Variants in MYO7B observed in about 807,000 individuals in gnomAD.
The protein encoded by MYO7B is unconventional myosin-VIIb.
Under a neutral mutation model 259.7 loss-of-function variants are expected in MYO7B, and 212 were observed. The observed-to-expected ratio is 0.82, with a 90% CI of 0.73 to 0.91. MYO7B has a LOEUF of 0.91. MYO7B is among the 40% of genes least tolerant of loss of function. The probability of loss-of-function intolerance (pLI) is 0.00; values close to 1 mark genes in which losing one functional copy is unlikely to be tolerated. For missense variants in MYO7B, 2,732 were observed against 2,813.5 expected, an observed-to-expected ratio of 0.97 and a Z score of 0.66; for synonymous variants, 1,197 against 1,166.4, an observed-to-expected ratio of 1.03 and a Z score of -0.54.
chr2:127,626,799 A>G (rs191241713), intron 31 of MYO7B, 176 bp from the exon 32 acceptor site: 12 of 593,940 alleles, frequency 2.0e-5, no homozygotes, highest in Admixed American at 1.3e-4. Context: ...AAAAAAGGAT[A>G]GGGCTGCACC....
rs1678896002 is a variant in MYO7B at position 127,576,948 on chromosome 2, C to G, written c.849+240C>G. On this transcript the variant is annotated intron_variant, in intron 8 of 47. Coordinates refer to ENST00000409816, the MANE Select transcript of MYO7B (RefSeq NM_001393586.1). This position sits in a 1 kb window ranked among gnomAD's most constrained non-coding sequence, Gnocchi z 4.9. Reference sequence around the variant, plus strand: ...CCAGGCTGGACCCGGGGCCTCCCCGCAGACCTCATCTTCCTTTGGTCCCCA... The same window carrying G: ...CCAGGCTGGACCCGGGGCCTCCCCGGAGACCTCATCTTCCTTTGGTCCCCA... Among the ~76,000 whole-genome samples, 2 of 152,130 alleles carry G rather than the reference C, an allele frequency of 1.3e-5. No homozygotes were observed. The highest frequency in any genetic ancestry group is 4.1e-4 in the South Asian group (2 of 4,828).
rs1179589339 is a variant in MYO7B, at chr2:127,612,267, C to G, written c.3210C>G (p.Asp1070Glu). Residue 1070 changes from aspartate (D) to glutamate (E), a missense_variant, in exon 25 of 48, where the codon GAC (aspartate) becomes GAG (glutamate). This residue lies in a region of MYO7B where 1,906 missense variants were observed against 2,026.4 expected (regional missense o/e 0.94). Transcript: ENST00000409816. The part of the protein sequence containing the change: ...SRSAQRSGCK[D>E]KGTKDISSMK... ...CTCCACAGAGATCTGGCTGCAAGGA[C>G]AAGGGGACCAAGGATATCTCCTCCA... The G allele has an allele frequency of 1.4e-6, 1 of 695,806 alleles. No homozygotes were observed. The highest frequency in any genetic ancestry group is 2.5e-6 in the Non-Finnish European group (1 of 393,672). 43.1% of individuals were successfully genotyped at this position (695,806 alleles called of 1,614,324 possible).
At chr2:127,563,003 A>T (rs573792370) in intron 2 of MYO7B, among the ~76,000 whole-genome samples, 6 of 152,052 alleles carry the variant, frequency 3.9e-5, no homozygotes, top group Non-Finnish European at 8.8e-5. Flanking sequence ...TAATCAGGGT[A>T]TGTTCTCCTG....
At position 127,576,677 on chromosome 2, in the gene MYO7B, G is replaced by C. The variant is rs1274521983; in HGVS notation, c.818G>C (p.Gly273Ala). 6.2e-7 allele frequency: 1 copy of C among 1,611,024 alleles called. No homozygotes were observed. Residue 273 changes from glycine (G) to alanine (A), a missense_variant, in exon 8 of 48, where the codon GGC (glycine) becomes GCC (alanine). By Grantham distance (60) the Gly-to-Ala change is moderately conservative. Transcript: ENST00000409816. The surrounding 1 kb of genome is among the most constrained non-coding windows in gnomAD (Gnocchi z 4.9). Reference sequence around the variant, plus strand: ...GAGGACAAGCAGCTGCTGAGCCTGGGCACGCCCTCCGAGTACCACTACCTG... The same window carrying C: ...GAGGACAAGCAGCTGCTGAGCCTGGCCACGCCCTCCGAGTACCACTACCTG... Reference protein sequence around the residue: ...SAEDKQLLSLGTPSEYHYLTM... With the variant: ...SAEDKQLLSLATPSEYHYLTM...
Position 127,628,899 on chromosome 2 carries a change from G to A in MYO7B, c.4624+364G>A, listed in dbSNP as rs1681305115. Among the ~76,000 whole-genome samples the A allele has an allele frequency of 6.6e-6, 1 of 152,220 alleles. No homozygotes were observed. The highest frequency in any genetic ancestry group is 2.1e-4 in the South Asian group (1 of 4,834). ...CACCCCATTATCCCATTTTACAGAC[G>A]TGAGGCCAGAGGCCCAGAGATGGAA... On this transcript the variant is annotated intron_variant, in intron 34 of 47. Coordinates refer to ENST00000409816, the MANE Select transcript of MYO7B (RefSeq NM_001393586.1). This position sits in a 1 kb window ranked among gnomAD's most constrained non-coding sequence, Gnocchi z 4.8.
chr2:127,584,028 T>G lies in MYO7B; in HGVS notation c.1344-94T>G, dbSNP rs10928772. ...TGTGGGCATATCTGTATGCAGCTGTTTGCAGATGGCTGGTGATCCTATGGC... is the reference window on the plus strand; with the variant it reads ...TGTGGGCATATCTGTATGCAGCTGTGTGCAGATGGCTGGTGATCCTATGGC... On this transcript the variant is annotated intron_variant, in intron 12 of 47. Coordinates refer to ENST00000409816, the MANE Select transcript of MYO7B (RefSeq NM_001393586.1). The surrounding 1 kb of genome is among the most constrained non-coding windows in gnomAD (Gnocchi z 5.8). 0.4 allele frequency: 460,149 copies of G among 1,147,698 alleles called. 100,140 individuals are homozygous for G. Among genetic ancestry groups the G allele is most frequent in the East Asian group, 0.69 (26,910 of 39,036 alleles). 71.1% of individuals were successfully genotyped at this position (1,147,698 alleles called of 1,614,324 possible).
chr2:127,554,351 G>A (rs772120295), intron 1 of MYO7B, among the ~76,000 whole-genome samples: 37 of 152,238 alleles, frequency 2.4e-4, no homozygotes, highest in Non-Finnish European at 4.0e-4. Flanking sequence ...TGGGATTACA[G>A]GCATGAGCCA....
intron 19 of MYO7B, among the ~76,000 whole-genome samples, chr2:127,600,060 G>A (rs1427998047): frequency 6.6e-6 from 1 of 152,180 alleles, no homozygotes; most frequent in Non-Finnish European, 1.5e-5. Flanking sequence ...GGAAGAAATT[G>A]TGTAGAATTG....
chr2:127,605,100 C>T (rs1457893002), intron 19 of MYO7B, among the ~76,000 whole-genome samples: 2 of 152,204 alleles, frequency 1.3e-5, no homozygotes, highest in African/African-American at 4.8e-5. Context: ...TGAGGCATGC[C>T]TGCATCTCTA....
Position 127,581,908 on chromosome 2 carries a change from CCG to C in MYO7B, c.1099_1100del (p.Arg367GlyfsTer26). On this transcript the variant is annotated frameshift_variant, in exon 11 of 48. Transcript: ENST00000409816. LOFTEE classifies it high-confidence loss of function. ...KLLEVQHQEL[R>X]DCLIKHTILI... is the part of the protein sequence containing the mutation. Reference sequence around the variant, plus strand: ...CTCCCCAGGTGCAGCACCAGGAGCTCCGGGACTGTCTGATCAAGCACACCATC... The same window carrying C: ...CTCCCCAGGTGCAGCACCAGGAGCTCGGACTGTCTGATCAAGCACACCATC... 6.2e-7 allele frequency: 1 copy of C among 1,613,858 alleles called. No homozygotes were observed. The highest frequency in any genetic ancestry group is 8.5e-7 in the Non-Finnish European group (1 of 1,179,884).
Position 127,631,285 on chromosome 2 carries a change from G to C in MYO7B, c.5017G>C (p.Glu1673Gln). 6.2e-7 allele frequency: 1 copy of C among 1,612,154 alleles called. No individual in the cohort carries two copies. Among genetic ancestry groups the C allele is most frequent in the Non-Finnish European group, 8.5e-7 (1 of 1,179,430 alleles). The change falls in exon 37 of 48, where the codon GAG becomes CAG. Residue 1673 changes from glutamate (E) to glutamine (Q), a missense_variant. Physicochemically the swap from Glu to Gln is conservative, Grantham distance 29. This residue lies in a region of MYO7B where 821 missense variants were observed against 769.3 expected (regional missense o/e 1.07). Coordinates refer to ENST00000409816, the MANE Select transcript of MYO7B (RefSeq NM_001393586.1). The part of the protein sequence containing the change: ...ARGHLWAYSC[E>Q]PLRQPLLKRV... ...TGGCCACCTGTGGGCCTATTCCTGC[G>C]AGCCGCTGCGACAGCCGCTGCTCAA...
Position 127,576,786 on chromosome 2 carries a change from C to A in MYO7B, c.849+78C>A. 1 of 1,083,150 alleles carries A rather than the reference C, an allele frequency of 9.2e-7. No homozygotes were observed. Among genetic ancestry groups the A allele is most frequent in the Non-Finnish European group, 1.3e-6 (1 of 745,904 alleles). 67.1% of individuals were successfully genotyped at this position (1,083,150 alleles called of 1,614,324 possible). On this transcript the variant is annotated intron_variant, in intron 8 of 47. Coordinates refer to ENST00000409816, the MANE Select transcript of MYO7B (RefSeq NM_001393586.1). The surrounding 1 kb of genome is among the most constrained non-coding windows in gnomAD (Gnocchi z 4.9). ...GCTTGTGCCGCTCCACCCTCCGCGA[C>A]AGCTGCAGAGAAGCCCAACGCTGGC...
intron 39 of MYO7B, 88 bp downstream of exon 39, chr2:127,632,489 A>G: frequency 6.9e-6 from 10 of 1,446,496 alleles, no homozygotes; most frequent in Non-Finnish European, 8.3e-6. Flanking sequence ...CCAGGAGCTC[A>G]TGGTCCTGGG....
chr2:127,617,738 A>G (rs1680632892), intron 26 of MYO7B, among the ~76,000 whole-genome samples: 2 of 148,728 alleles, frequency 1.3e-5, no homozygotes, highest in South Asian at 2.1e-4. Context: ...TCCTGACCTC[A>G]TGATCCACCC....
intron 39 of MYO7B, among the ~76,000 whole-genome samples, chr2:127,632,629 C>T (rs544190987): frequency 3.0e-4 from 45 of 152,318 alleles, no homozygotes; most frequent in African/African-American, 1.0e-3. Flanking sequence ...TCCCCTGCCC[C>T]ACCACTGCCC....
At position 127,539,804 on chromosome 2, in the gene MYO7B, A is replaced by G. The variant is rs1395736840; in HGVS notation, c.-24+3973A>G. 1.3e-5 allele frequency among the ~76,000 whole-genome samples: 2 copies of G among 152,168 alleles called. No homozygotes were observed. Among genetic ancestry groups the G allele is most frequent in the African/African-American group, 2.4e-5 (1 of 41,442 alleles). On this transcript the variant is annotated intron_variant, in intron 1 of 47. Transcript: ENST00000409816. This position sits in a 1 kb window ranked among gnomAD's most constrained non-coding sequence, Gnocchi z 4.0. ...ACCACAGCAGTGTACACTGCACCCA[A>G]TGTGTAGTCTTTTGTTGCTCACCCA... is the stretch of plus-strand genomic sequence containing the variant.
Position 127,564,277 on chromosome 2 carries a change from TG to T in MYO7B, c.132+15del, listed in dbSNP as rs748067769. The T allele has an allele frequency of 6.4e-7, 1 of 1,551,440 alleles. No individual in the cohort carries two copies. The highest frequency in any genetic ancestry group is 1.2e-5 in the South Asian group (1 of 84,122). ...GATGACGAGGGCAAGGTCAGTGTTC[TG>T]GGGTTTCCTCTGGGCCCTGCCCTGC... is the stretch of plus-strand genomic sequence containing the variant. On this transcript the variant is annotated intron_variant, in intron 3 of 47. Coordinates refer to ENST00000409816, the MANE Select transcript of MYO7B (RefSeq NM_001393586.1).
chr2:127,601,744 C>T (rs147382838), intron 19 of MYO7B, among the ~76,000 whole-genome samples: 46 of 152,186 alleles, frequency 3.0e-4, no homozygotes, highest in Non-Finnish European at 5.4e-4. Context: ...TTTTTCAATC[C>T]ATTCTGCCAG....
intron 28 of MYO7B, among the ~76,000 whole-genome samples, chr2:127,622,370 A>C (rs575538248): frequency 2.0e-5 from 3 of 152,128 alleles, no homozygotes; most frequent in Non-Finnish European, 4.4e-5. Context: ...TTAGCATTAC[A>C]GTGCGCCAGT....
Sources: allele counts gnomAD v4.1 joint callset (sites outside exome capture counted in the v4.1 genomes callset), GRCh38; gene constraint gnomAD v4.1.1; regional missense constraint gnomAD v4.1.1; non-coding constraint Gnocchi (gnomAD v3.1); transcripts MANE v1.5; gene names NCBI Gene and HGNC (gene_info 2026-07-23, HGNC 2026-07-21).